The following FOXP2 variants were observed in gnomAD, a reference collection of about 807,000 sequenced individuals.
FOXP2 encodes forkhead box P2.
FOXP2 carries 12 observed loss-of-function variants against 115.8 expected under a neutral mutation model. The observed-to-expected ratio is 0.10, with a 90% CI of 0.07 to 0.17. The LOEUF (loss-of-function observed/expected upper bound fraction) is 0.17, where lower values mean the gene tolerates loss of function less well. Among genes scored for constraint, FOXP2 ranks in the 10% least tolerant of loss-of-function variants. The probability of loss-of-function intolerance (pLI) is 1.00; values close to 1 mark genes in which losing one functional copy is unlikely to be tolerated. For synonymous variants in FOXP2, 328 were observed against 297.7 expected, an observed-to-expected ratio of 1.10 and a Z score of -1.05; for missense variants, 629 against 843.5, an observed-to-expected ratio of 0.75 and a Z score of 3.15.
intron 1 of FOXP2, among the ~76,000 whole-genome samples, chr7:114,220,556 G>C (rs1794594755): frequency 1.3e-5 from 2 of 152,100 alleles, no homozygotes; most frequent in Non-Finnish European, 2.9e-5. Flanking sequence ...AGGATTTCAA[G>C]TGGCTTTAGA....
At chr7:114,571,373 C>T (rs1428814882) in intron 3 of FOXP2, among the ~76,000 whole-genome samples, 1 of 151,826 alleles carries the variant, frequency 6.6e-6, no homozygotes, top group African/African-American at 2.4e-5. Flanking sequence ...GCTTATGTGG[C>T]CCAATTCACA....
intron 2 of FOXP2, among the ~76,000 whole-genome samples, chr7:114,377,024 T>C (rs1159096656): frequency 6.6e-6 from 1 of 152,172 alleles, no homozygotes; most frequent in Non-Finnish European, 1.5e-5. Context: ...GCAGGACAGA[T>C]GTCAGACATA....
chr7:114,201,301 T>G (rs1794057583), intron 1 of FOXP2, among the ~76,000 whole-genome samples: 1 of 151,700 alleles, frequency 6.6e-6, no homozygotes, highest in Admixed American at 6.6e-5. Flanking sequence ...TGAGACCCCA[T>G]TTCTACAAAA....
chr7:114,224,156 A>G (rs970160517), intron 1 of FOXP2, among the ~76,000 whole-genome samples: 2 of 151,986 alleles, frequency 1.3e-5, no homozygotes, highest in Non-Finnish European at 2.9e-5. Flanking sequence ...ATTTTCTTCT[A>G]TTGGTAAATT....
chr7:114,667,910 A>G (rs763561773), intron 16 of FOXP2: 6 of 152,196 alleles, frequency 3.9e-5, no homozygotes, highest in Non-Finnish European at 7.4e-5. Context: ...TAACATAAAT[A>G]CAAGACTAGG....
At chr7:114,423,139 G>A (rs1038047156) in intron 1 of FOXP2, among the ~76,000 whole-genome samples, 1 of 151,634 alleles carries the variant, frequency 6.6e-6, no homozygotes, top group African/African-American at 2.4e-5. Flanking sequence ...TCAAACACAT[G>A]GCTAATGCCT....
intron 2 of FOXP2, among the ~76,000 whole-genome samples, chr7:114,345,368 C>T (rs901266069): frequency 4.0e-5 from 6 of 151,666 alleles, no homozygotes; most frequent in African/African-American, 1.5e-4. Flanking sequence ...TGTAATGTAT[C>T]ATTAGGTCTG....
chr7:114,604,738 G>T (rs892102808), intron 3 of FOXP2, among the ~76,000 whole-genome samples: 16 of 152,026 alleles, frequency 1.1e-4, no homozygotes, highest in African/African-American at 3.9e-4. Context: ...TAAATTCTGT[G>T]GTCACCCCAT....
chr7:114,349,798 A>G (rs1791437231), intron 2 of FOXP2, among the ~76,000 whole-genome samples: 1 of 152,186 alleles, frequency 6.6e-6, no homozygotes, highest in East Asian at 1.9e-4. Flanking sequence ...GATAGGGTTT[A>G]TTAATTAAGT....
At chr7:114,245,711 T>C (rs139095198) in intron 1 of FOXP2, among the ~76,000 whole-genome samples, 68 of 152,334 alleles carry the variant, frequency 4.5e-4, no homozygotes, top group African/African-American at 1.4e-3. Flanking sequence ...GTTTTGTAAC[T>C]GAAAGACTTT....
At chr7:114,589,206 A>G (rs553646107) in intron 3 of FOXP2, among the ~76,000 whole-genome samples, 14 of 151,880 alleles carry the variant, frequency 9.2e-5, no homozygotes, top group Non-Finnish European at 1.9e-4. Flanking sequence ...ACTTGTTAAC[A>G]TTTTTTAACT....
intron 1 of FOXP2, among the ~76,000 whole-genome samples, chr7:114,213,634 C>G (rs928929191): frequency 1.3e-5 from 2 of 152,086 alleles, no homozygotes; most frequent in Non-Finnish European, 2.9e-5. Context: ...ATTTTAAAAA[C>G]TAAGTATTAC....
rs73436168 is a variant in FOXP2, at chr7:114,508,830, T to A, written c.169-25787T>A. Reference sequence around the variant, plus strand: ...GATAAGACCTGAGGGATTGAGGCAGTAGTTACAGTAATGTAGAGTAATGAA... The same window carrying A: ...GATAAGACCTGAGGGATTGAGGCAGAAGTTACAGTAATGTAGAGTAATGAA... On this transcript the variant is annotated intron_variant, in intron 2 of 16. Transcript: ENST00000350908. Among the ~76,000 whole-genome samples, 1,312 of 152,092 alleles carry A rather than the reference T, an allele frequency of 8.6e-3. 15 individuals carry two copies. The highest frequency in any genetic ancestry group is 0.03 in the African/African-American group (1,252 of 41,522).
chr7:114,152,159 A>G (rs1379768890), intron 1 of FOXP2, among the ~76,000 whole-genome samples: 2 of 152,196 alleles, frequency 1.3e-5, no homozygotes, highest in Admixed American at 6.6e-5. Context: ...TAATAGTATA[A>G]TTAAAATACA....
intron 2 of FOXP2, among the ~76,000 whole-genome samples, chr7:114,336,893 G>C (rs1418686167): frequency 6.6e-6 from 1 of 151,352 alleles, no homozygotes; most frequent in African/African-American, 2.4e-5. Flanking sequence ...TTACTTTTCA[G>C]GACAAATTTC....
chr7:114,187,365 C>T (rs942114751), intron 1 of FOXP2, among the ~76,000 whole-genome samples: 1 of 152,148 alleles, frequency 6.6e-6, no homozygotes, highest in African/African-American at 2.4e-5. Context: ...AAGTTCTGCC[C>T]TCCATAAAGT....
intron 5 of FOXP2, chr7:114,631,161 GAAAA>G: frequency 4.0e-6 from 1 of 248,068 alleles, no homozygotes; most frequent in Non-Finnish European, 7.7e-6. Flanking sequence ...TATTCAATTG[GAAAA>G]AAAAAAAAAG....
At chr7:114,159,378 AT>A (rs1792763697), upstream of FOXP2, among the ~76,000 whole-genome samples, 1 of 152,130 alleles carries the variant, frequency 6.6e-6, no homozygotes, top group Admixed American at 6.6e-5. Flanking sequence ...GGATGTAAAG[AT>A]TTACTAAACT....
At chr7:114,224,559 C>T (rs1222814323) in intron 1 of FOXP2, among the ~76,000 whole-genome samples, 1 of 152,172 alleles carries the variant, frequency 6.6e-6, no homozygotes, top group East Asian at 1.9e-4. Context: ...CAAATCATCA[C>T]AGTTATATTG....
Sources: allele counts gnomAD v4.1 joint callset (sites outside exome capture counted in the v4.1 genomes callset), GRCh38; gene constraint gnomAD v4.1.1; transcripts MANE v1.5; gene names NCBI Gene and HGNC (gene_info 2026-07-23, HGNC 2026-07-21).